The following RBFOX1 variants were observed in gnomAD, a reference collection of about 807,000 sequenced individuals.
RBFOX1 encodes RNA binding fox-1 homolog 1.
RBFOX1 carries 8 observed loss-of-function variants against 57.7 expected under a neutral mutation model. The observed-to-expected ratio is 0.14, with a 90% CI of 0.08 to 0.25. The LOEUF is 0.25. Ranked by LOEUF, RBFOX1 falls within the 10% of genes least tolerant of loss-of-function variation. The probability of loss-of-function intolerance (pLI) is 1.00; values close to 1 mark genes in which losing one functional copy is unlikely to be tolerated. For synonymous variants in RBFOX1, 326 were observed against 222.4 expected (o/e 1.47, Z -4.15); for missense variants, 611 against 548.5 (o/e 1.11, Z -1.14).
intron 3 of RBFOX1, among the ~76,000 whole-genome samples, chr16:6,706,371 A>T (rs1198209513): frequency 6.6e-6 from 1 of 152,214 alleles, no homozygotes; most frequent in African/African-American, 2.4e-5. Flanking sequence ...GCAATGTAGC[A>T]GCCCAATTAA....
intron 2 of RBFOX1, among the ~76,000 whole-genome samples, chr16:6,426,750 T>C (rs759303648): frequency 6.6e-6 from 1 of 152,154 alleles, no homozygotes; most frequent in South Asian, 2.1e-4. Context: ...ATTTCAAAAG[T>C]GTCTCATCAT....
intron 2 of RBFOX1, among the ~76,000 whole-genome samples, chr16:6,591,719 A>C (rs996691712): frequency 1.3e-5 from 2 of 152,194 alleles, no homozygotes; most frequent in Non-Finnish European, 2.9e-5. Flanking sequence ...TCTAATTTGT[A>C]CTATTATATT....
chr16:6,736,288 A>G (rs1479097523), intron 3 of RBFOX1, among the ~76,000 whole-genome samples: 2 of 151,976 alleles, frequency 1.3e-5, no homozygotes. Flanking sequence ...ACTGCATCAT[A>G]TTGTCTTTTA....
intron 2 of RBFOX1, among the ~76,000 whole-genome samples, chr16:5,495,901 A>G (rs1321029165): frequency 6.6e-6 from 1 of 152,194 alleles, no homozygotes; most frequent in Non-Finnish European, 1.5e-5. Context: ...CGAGGCGGGC[A>G]GATCACCTGA....
intron 3 of RBFOX1, among the ~76,000 whole-genome samples, chr16:6,767,761 A>G (rs1371715949): frequency 2.0e-5 from 3 of 151,640 alleles, no homozygotes; most frequent in Admixed American, 2.0e-4. Context: ...TAAAAATACA[A>G]AAATTAGCCA....
In RBFOX1 at chr16:6,931,329, C is replaced by G. The variant is rs1163045444; in HGVS notation, c.-15-120728C>G. On this transcript the variant is annotated intron_variant, in intron 3 of 15. Coordinates refer to ENST00000550418, the MANE Select transcript of RBFOX1 (RefSeq NM_018723.4). ...TCTATCTATCTATCTATCTATCTAT[C>G]TATCTATCTCTACACACACACACAC... 6.0e-5 allele frequency among the ~76,000 whole-genome samples: 8 copies of G among 132,910 alleles called. No homozygotes were observed. The East Asian group carries it at 1.5e-3, about 25-fold the overall frequency. 87.2% of individuals were successfully genotyped at this position (132,910 alleles called of 152,430 possible).
At chr16:7,506,866 T>A (rs188811503) in intron 4 of RBFOX1, among the ~76,000 whole-genome samples, 57 of 152,280 alleles carry the variant, frequency 3.7e-4, no homozygotes, top group African/African-American at 1.3e-3. Flanking sequence ...CCAACACACA[T>A]CCCTTCTTCC....
intron 3 of RBFOX1, among the ~76,000 whole-genome samples, chr16:6,760,998 T>C (rs747678950): frequency 3.9e-5 from 6 of 152,230 alleles, no homozygotes; most frequent in Non-Finnish European, 7.3e-5. Context: ...CTGAGCCATC[T>C]TTCCAATTAA....
chr16:6,566,487 C>T (rs535725857), intron 2 of RBFOX1, among the ~76,000 whole-genome samples: 2 of 152,176 alleles, frequency 1.3e-5, no homozygotes, highest in Admixed American at 1.3e-4. Flanking sequence ...TCTTAATCTA[C>T]AGAGACTTTG....
intron 14 of RBFOX1, among the ~76,000 whole-genome samples, chr16:7,685,428 C>T (rs1311996163): frequency 6.6e-6 from 1 of 152,090 alleles, no homozygotes; most frequent in Non-Finnish European, 1.5e-5. Context: ...TTTATGCTAA[C>T]ATCGTGTCAT....
intron 1 of RBFOX1, among the ~76,000 whole-genome samples, chr16:5,296,200 C>G (rs1318758602): frequency 6.6e-6 from 1 of 152,190 alleles, no homozygotes; most frequent in Non-Finnish European, 1.5e-5. Flanking sequence ...ACTAAGCTAG[C>G]TGGGCATTCA....
intron 4 of RBFOX1, among the ~76,000 whole-genome samples, chr16:7,056,533 C>T (rs1050655640): frequency 2.6e-5 from 4 of 152,158 alleles, no homozygotes; most frequent in Non-Finnish European, 4.4e-5. Context: ...ACATTTACCT[C>T]TCCAGCATCT....
At chr16:5,257,409 G>A (rs1482276421) in intron 1 of RBFOX1, among the ~76,000 whole-genome samples, 1 of 152,182 alleles carries the variant, frequency 6.6e-6, no homozygotes, top group African/African-American at 2.4e-5. Context: ...AAAGTAGGCT[G>A]CATTGCTGTA....
chr16:6,077,931 C>T (rs997804324), intron 1 of RBFOX1, among the ~76,000 whole-genome samples: 1 of 152,066 alleles, frequency 6.6e-6, no homozygotes, highest in Non-Finnish European at 1.5e-5. Context: ...TCTCATGCCA[C>T]CATGAGCTGT....
At chr16:7,296,085 A>G (rs1207660021) in intron 4 of RBFOX1, among the ~76,000 whole-genome samples, 3 of 151,614 alleles carry the variant, frequency 2.0e-5, no homozygotes, top group African/African-American at 7.3e-5. Flanking sequence ...AGCACTTTAC[A>G]TTCATTATCT....
At chr16:5,363,199 A>ATT (rs533158906) in intron 1 of RBFOX1, among the ~76,000 whole-genome samples, 1,905 of 121,680 alleles carry the variant, frequency 0.016, 50 homozygotes, top group African/African-American at 0.054. Context: ...GCCCCTGGCT[A>ATT]TTTTTTTTTT....
chr16:7,067,064 A>G (rs2056229253), intron 4 of RBFOX1, among the ~76,000 whole-genome samples: 1 of 152,220 alleles, frequency 6.6e-6, no homozygotes, highest in Non-Finnish European at 1.5e-5. Flanking sequence ...GTTAAGCTGA[A>G]GGGACACACA....
chr16:6,975,410 C>A (rs1200412383), intron 3 of RBFOX1, among the ~76,000 whole-genome samples: 1 of 152,136 alleles, frequency 6.6e-6, no homozygotes, highest in Non-Finnish European at 1.5e-5. Flanking sequence ...GCGTTACAGG[C>A]ACATACCACC....
intron 2 of RBFOX1, among the ~76,000 whole-genome samples, chr16:5,541,049 C>T (rs1290119271): frequency 6.6e-5 from 10 of 151,982 alleles, no homozygotes; most frequent in African/African-American, 2.4e-4. Flanking sequence ...GGGGTTTCAC[C>T]ATGTTGGCCG....
Sources: gnomAD v4.1 joint callset for allele counts (sites outside exome capture counted in the v4.1 genomes callset) on GRCh38, gnomAD v4.1.1 for gene constraint, MANE v1.5 for transcripts, NCBI Gene and HGNC (gene_info 2026-07-23, HGNC 2026-07-21) for gene names.